MAF: variants seen among roughly 807,000 people sequenced by gnomAD.
The protein encoded by MAF is MAF bZIP transcription factor.
Under a neutral mutation model 22.0 loss-of-function variants are expected in MAF, and 10 were observed. That is an observed-to-expected ratio of 0.45 (90% CI 0.28 to 0.77). The LOEUF (loss-of-function observed/expected upper bound fraction) is 0.77, where lower values mean the gene tolerates loss of function less well. MAF is among the 30% of genes least tolerant of loss of function. The pLI is 0.12. For missense variants in MAF, 544 were observed against 548.4 expected, an observed-to-expected ratio of 0.99 and a Z score of 0.08; for synonymous variants, 337 against 255.8, an observed-to-expected ratio of 1.32 and a Z score of -3.03.
intron 1 of MAF, chr16:79,596,368 T>C: frequency 9.4e-7 from 1 of 1,059,202 alleles, no homozygotes; most frequent in Non-Finnish European, 1.1e-6. Flanking sequence ...CCTGAATTAC[T>C]GTCTCCCTAT....
chr16:79,364,812 T>C, the MAF span, among the ~76,000 whole-genome samples: 1 of 152,200 alleles, frequency 6.6e-6, no homozygotes, highest in Non-Finnish European at 1.5e-5. Flanking sequence ...AACTATTGCA[T>C]GTGTAGAATG....
chr16:79,388,508 T>A, the MAF span, among the ~76,000 whole-genome samples: 2 of 152,236 alleles, frequency 1.3e-5, no homozygotes, highest in South Asian at 4.1e-4. Context: ...TTCTCTTTTT[T>A]CTTGGCTATG....
At chr16:79,399,877 G>T in the MAF span, among the ~76,000 whole-genome samples, 122 of 152,296 alleles carry the variant, frequency 8.0e-4, no homozygotes, top group African/African-American at 2.9e-3. Flanking sequence ...ATCTCTAAAG[G>T]ATCCTAGTTG....
the MAF span, among the ~76,000 whole-genome samples, chr16:79,484,696 G>C: frequency 2.0e-5 from 3 of 152,242 alleles, no homozygotes; most frequent in African/African-American, 2.4e-5. Context: ...AAAAGGGCCA[G>C]GGTGGGAGCT....
At chr16:79,447,891 C>CAAAAAAAAAAAAAAAAAAAAAAA in the MAF span, among the ~76,000 whole-genome samples, 13 of 72,580 alleles carry the variant, frequency 1.8e-4, no homozygotes, top group African/African-American at 9.2e-4. Flanking sequence ...GATTCCATCT[C>CAAAAAAAAAAAAAAAAAAAAAAA]AAAAAAAAAA....
chr16:79,504,970 C>T, the MAF span, among the ~76,000 whole-genome samples: 3 of 152,084 alleles, frequency 2.0e-5, no homozygotes, highest in East Asian at 1.9e-4. Flanking sequence ...TGGGGGTTGC[C>T]ACATTTGCCC....
chr16:79,455,725 A>G, the MAF span, among the ~76,000 whole-genome samples: 11 of 152,334 alleles, frequency 7.2e-5, no homozygotes, highest in Admixed American at 5.2e-4. Flanking sequence ...TTAGCAATAA[A>G]AACAAATTAA....
the MAF span, chr16:79,203,864 C>G: frequency 6.6e-6 from 1 of 152,072 alleles, no homozygotes; most frequent in Non-Finnish European, 1.5e-5. Flanking sequence ...ACGCAGTACA[C>G]GAGCTAGCTA....
chr16:79,481,479 C>A, the MAF span, among the ~76,000 whole-genome samples: 1 of 152,106 alleles, frequency 6.6e-6, no homozygotes, highest in Admixed American at 6.5e-5. Context: ...GATTTGCCTA[C>A]ACCCCCTAGA....
chr16:79,369,162 G>C, the MAF span, among the ~76,000 whole-genome samples: 2 of 152,192 alleles, frequency 1.3e-5, no homozygotes, highest in African/African-American at 4.8e-5. Flanking sequence ...GAGGCAACTA[G>C]AAGTTAGAGA....
the MAF span, among the ~76,000 whole-genome samples, chr16:79,243,645 G>C: frequency 3.9e-5 from 6 of 152,120 alleles, no homozygotes; most frequent in East Asian, 3.9e-4. Context: ...GTACAAAGAG[G>C]AGCTGGTACC....
chr16:79,402,322 G>C, the MAF span, among the ~76,000 whole-genome samples: 1 of 152,222 alleles, frequency 6.6e-6, no homozygotes, highest in African/African-American at 2.4e-5. Context: ...CCCAGGTGTG[G>C]GTGAGAAGGA....
the MAF span, among the ~76,000 whole-genome samples, chr16:79,243,211 T>A: frequency 1.3e-5 from 2 of 151,780 alleles, no homozygotes; most frequent in African/African-American, 2.4e-5. Context: ...GGAGCAGAAG[T>A]GAAGGTGATA....
the MAF span, among the ~76,000 whole-genome samples, chr16:79,347,210 G>T: frequency 2.6e-5 from 4 of 152,234 alleles, no homozygotes; most frequent in Non-Finnish European, 4.4e-5. Flanking sequence ...TGGAGGAATA[G>T]AACTTTCCGT....
At chr16:79,213,310 C>G in the MAF span, among the ~76,000 whole-genome samples, 1 of 151,132 alleles carries the variant, frequency 6.6e-6, no homozygotes. Context: ...CAAACAAACA[C>G]CATTGCCCTC....
At chr16:79,211,982 G>C in the MAF span, 1 of 1,536,174 alleles carries the variant, frequency 6.5e-7, no homozygotes, top group Non-Finnish European at 8.7e-7. Context: ...CTGGGGTAAA[G>C]TATCACTTTT....
At chr16:79,354,241 C>G in the MAF span, among the ~76,000 whole-genome samples, 1 of 152,116 alleles carries the variant, frequency 6.6e-6, no homozygotes, top group Non-Finnish European at 1.5e-5. Context: ...ATTCTCCTGC[C>G]TTGGCCTCCC....
At chr16:79,584,624 A>G (rs1912729851), downstream of MAF, among the ~76,000 whole-genome samples, 1 of 152,330 alleles carries the variant, frequency 6.6e-6, no homozygotes, top group South Asian at 2.1e-4. Context: ...CTAGATCATC[A>G]TATTTAATAG....
In MAF at chr16:79,600,134, G is replaced by T; in HGVS notation, c.-232C>A. 2 of 498,454 alleles carry T rather than the reference G, an allele frequency of 4.0e-6. No individual in the cohort carries two copies. Among genetic ancestry groups the T allele is most frequent in the Non-Finnish European group, 6.9e-6 (2 of 288,984 alleles). The allele number at this position is 498,454 out of a possible 1,614,324, so 30.9% of individuals were successfully genotyped here. A position where few individuals can be genotyped will look rare whatever the true frequency, so the allele number is the denominator to read the frequency against. On this transcript the variant is annotated 5_prime_UTR_variant, in exon 1 of 2. Coordinates refer to ENST00000326043, the MANE Select transcript of MAF (RefSeq NM_005360.5). ...CCCTCCCCCCTGCTCACGCCAATGTGCTCCCTCGCTCGCCCCGGCCCCTCC... is the reference window on the plus strand; with the variant it reads ...CCCTCCCCCCTGCTCACGCCAATGTTCTCCCTCGCTCGCCCCGGCCCCTCC...
Sources: allele counts gnomAD v4.1 joint callset (sites outside exome capture counted in the v4.1 genomes callset), GRCh38; gene constraint gnomAD v4.1.1; transcripts MANE v1.5; gene names NCBI Gene and HGNC (gene_info 2026-07-23, HGNC 2026-07-21).